The following DYM variants were observed in gnomAD, a reference collection of about 807,000 sequenced individuals.
DYM encodes dymeclin.
Under a neutral mutation model 93.1 loss-of-function variants are expected in DYM, and 78 were observed. The observed-to-expected ratio is 0.84, with a 90% CI of 0.70 to 1.01. The LOEUF is 1.01. Among genes scored for constraint, DYM ranks in the 50% least tolerant of loss-of-function variants. The probability of loss-of-function intolerance (pLI) is 0.00; values close to 1 mark genes in which losing one functional copy is unlikely to be tolerated. For synonymous variants in DYM, 321 were observed against 319.7 expected (o/e 1.00, Z -0.04); for missense variants, 789 against 845.0 (o/e 0.93, Z 0.82).
intron 2 of DYM, among the ~76,000 whole-genome samples, chr18:49,408,647 A>G (rs2071815074): frequency 6.6e-6 from 1 of 152,248 alleles, no homozygotes; most frequent in South Asian, 2.1e-4. Flanking sequence ...GTAAGCAAGC[A>G]TAAAGCTTTA....
chr18:49,306,623 G>C (rs1011582192), intron 8 of DYM, among the ~76,000 whole-genome samples: 8 of 152,140 alleles, frequency 5.3e-5, no homozygotes, highest in Non-Finnish European at 7.3e-5. Flanking sequence ...TACCAAAGTA[G>C]AACTTCAAAT....
At chr18:49,059,720 C>T (rs908552927) in intron 17 of DYM, among the ~76,000 whole-genome samples, 2 of 152,052 alleles carry the variant, frequency 1.3e-5, no homozygotes, top group African/African-American at 4.8e-5. Context: ...TCAGTACCAC[C>T]GGAGACCCAA....
chr18:49,050,076 CT>C (rs1037378032), intron 17 of DYM, among the ~76,000 whole-genome samples: 3 of 133,384 alleles, frequency 2.2e-5, no homozygotes, highest in Admixed American at 7.3e-5. Flanking sequence ...AGAGAGGTAA[CT>C]TCCTTTTTTT....
At chr18:49,137,725 T>C (rs1423840962) in intron 15 of DYM, among the ~76,000 whole-genome samples, 1 of 152,124 alleles carries the variant, frequency 6.6e-6, no homozygotes, top group African/African-American at 2.4e-5. Context: ...TTCCCTAAGA[T>C]CCAAAGTCAG....
intron 15 of DYM, among the ~76,000 whole-genome samples, chr18:49,126,650 T>C (rs2082863580): frequency 1.8e-5 from 1 of 56,996 alleles, no homozygotes; most frequent in African/African-American, 6.9e-5. Context: ...TGGTATTTAA[T>C]ATTATTTGAT....
chr18:49,418,931 C>T (rs1048817108), intron 2 of DYM, among the ~76,000 whole-genome samples: 2 of 152,082 alleles, frequency 1.3e-5, no homozygotes, highest in East Asian at 3.8e-4. Context: ...TGTAAACTCA[C>T]TTGTGGCGGT....
chr18:49,292,571 T>C (rs2060210639), intron 8 of DYM, among the ~76,000 whole-genome samples: 1 of 132,150 alleles, frequency 7.6e-6, no homozygotes, highest in South Asian at 2.4e-4. Flanking sequence ...AGAATCTTAG[T>C]GGAATTGCAT....
intron 15 of DYM, among the ~76,000 whole-genome samples, chr18:49,152,926 A>G (rs576695639): frequency 9.2e-5 from 14 of 152,174 alleles, no homozygotes; most frequent in African/African-American, 3.4e-4. Flanking sequence ...AGTCAAAATC[A>G]TAGAATCAGA....
intron 2 of DYM, among the ~76,000 whole-genome samples, chr18:49,424,016 A>T (rs1161121926): frequency 4.6e-5 from 7 of 151,930 alleles, no homozygotes; most frequent in Non-Finnish European, 7.4e-5. Context: ...CAATCAATAG[A>T]AAAAGAGGGA....
Position 49,195,285 on chromosome 18 carries a change from G to A in DYM, c.1625+14266C>T, listed in dbSNP as rs74366037. 2.7e-3 allele frequency among the ~76,000 whole-genome samples: 406 copies of A among 152,154 alleles called. 5 individuals carry two copies. Among genetic ancestry groups the A allele is most frequent in the East Asian group, 0.013 (66 of 5,184 alleles). ...CCTTTTTAGTTGATGCATTATAACT[G>A]TACATATTTATGCGATTCAGAGTGA... On this transcript the variant is annotated intron_variant, in intron 14 of 17. Transcript: ENST00000675505.
intron 13 of DYM, among the ~76,000 whole-genome samples, chr18:49,220,294 A>C (rs1435491731): frequency 6.7e-6 from 1 of 149,486 alleles, no homozygotes; most frequent in Non-Finnish European, 1.5e-5. Context: ...GCTCATGGGT[A>C]GGAAGAATCA....
At chr18:49,385,287 G>A (rs1205229181) in intron 3 of DYM, among the ~76,000 whole-genome samples, 1 of 152,180 alleles carries the variant, frequency 6.6e-6, no homozygotes. Flanking sequence ...CTCACCTACA[G>A]GGAGTCTGAC....
At chr18:49,156,474 G>A (rs904319632) in intron 15 of DYM, among the ~76,000 whole-genome samples, 1 of 152,054 alleles carries the variant, frequency 6.6e-6, no homozygotes, top group African/African-American at 2.4e-5. Flanking sequence ...GCTCACGCCT[G>A]TAATCCCAGC....
intron 14 of DYM, among the ~76,000 whole-genome samples, chr18:49,181,614 C>T (rs1450217650): frequency 6.6e-6 from 1 of 152,096 alleles, no homozygotes; most frequent in Non-Finnish European, 1.5e-5. Flanking sequence ...TATGTCGGTG[C>T]TCAAAACGTT....
At chr18:49,081,095 A>C (rs1333641252) in intron 17 of DYM, among the ~76,000 whole-genome samples, 2 of 151,172 alleles carry the variant, frequency 1.3e-5, no homozygotes, top group Non-Finnish European at 3.0e-5. Context: ...CACTTCCCAG[A>C]CGGGGTGGCG....
intron 17 of DYM, among the ~76,000 whole-genome samples, chr18:49,079,959 C>T (rs530982239): frequency 6.6e-6 from 1 of 150,674 alleles, no homozygotes; most frequent in Admixed American, 6.6e-5. Context: ...CAGAGGGGCT[C>T]CTCACTTCCC....
At chr18:49,179,233 G>C (rs1214588671) in intron 14 of DYM, among the ~76,000 whole-genome samples, 2 of 152,044 alleles carry the variant, frequency 1.3e-5, no homozygotes, top group Non-Finnish European at 2.9e-5. Context: ...ATTTTGCTAT[G>C]AGTTATTTAA....
chr18:49,061,333 C>T (rs1037678222), intron 17 of DYM, among the ~76,000 whole-genome samples: 7 of 152,224 alleles, frequency 4.6e-5, no homozygotes, highest in Admixed American at 4.6e-4. Context: ...GGGGGAAGGG[C>T]ATCCCAGGCA....
At position 49,452,250 on chromosome 18, in the gene DYM, A is replaced by G. The variant is rs928563692; in HGVS notation, c.-54+8148T>C. On this transcript the variant is annotated intron_variant, in intron 1 of 17. Coordinates refer to ENST00000675505, the MANE Select transcript of DYM (RefSeq NM_001353214.3). ...AGTGAAGCGGCAGACCTTCGCGGTGAGTGTTACAGCTCATAAAGGCAGTGT... is the reference window on the plus strand; with the variant it reads ...AGTGAAGCGGCAGACCTTCGCGGTGGGTGTTACAGCTCATAAAGGCAGTGT... Among the ~76,000 whole-genome samples, 18 of 152,216 alleles carry G rather than the reference A, an allele frequency of 1.2e-4. No individual in the cohort carries two copies. In the South Asian group the frequency reaches 3.7e-3, roughly 32 times the overall value.
Sources: gnomAD v4.1 joint callset for allele counts (sites outside exome capture counted in the v4.1 genomes callset) on GRCh38, gnomAD v4.1.1 for gene constraint, MANE v1.5 for transcripts, NCBI Gene and HGNC (gene_info 2026-07-23, HGNC 2026-07-21) for gene names.